DENND2B: variants seen among roughly 807,000 people sequenced by gnomAD.
The protein encoded by DENND2B is DENN domain-containing protein 2B.
Under a neutral mutation model 116.0 loss-of-function variants are expected in DENND2B, and 32 were observed. The observed-to-expected ratio is 0.28, with a 90% CI of 0.21 to 0.37. The LOEUF (loss-of-function observed/expected upper bound fraction) is 0.37, where lower values mean the gene tolerates loss of function less well. Among genes scored for constraint, DENND2B ranks in the 10% least tolerant of loss-of-function variants. DENND2B has a pLI of 1.00. For synonymous variants in DENND2B, 588 were observed against 583.9 expected (o/e 1.01, Z -0.10); for missense variants, 1,276 against 1,477.7 (o/e 0.86, Z 2.24).
intron 2 of DENND2B, among the ~76,000 whole-genome samples, chr11:8,733,742 A>G (rs2048494035): frequency 6.6e-6 from 1 of 152,220 alleles, no homozygotes; most frequent in Admixed American, 6.5e-5. Flanking sequence ...CCTCTGGTCC[A>G]TCTGATCCCA....
At chr11:8,887,029 T>C (rs1256801529) in intron 1 of DENND2B, among the ~76,000 whole-genome samples, 1 of 152,162 alleles carries the variant, frequency 6.6e-6, no homozygotes, top group Non-Finnish European at 1.5e-5. Context: ...GGTTTCTCCA[T>C]GTTGGTCAGG....
intron 2 of DENND2B, among the ~76,000 whole-genome samples, chr11:8,739,474 A>G (rs1429128438): frequency 1.3e-5 from 2 of 152,262 alleles, no homozygotes; most frequent in Non-Finnish European, 2.9e-5. Context: ...GTGTTTGAAC[A>G]CTATAAATCA....
At chr11:8,709,233 AACTC>A (rs1179695141) in intron 11 of DENND2B, among the ~76,000 whole-genome samples, 1 of 152,194 alleles carries the variant, frequency 6.6e-6, no homozygotes, top group Non-Finnish European at 1.5e-5. Flanking sequence ...TTAGGCCTGA[AACTC>A]ACTCCTGTCT....
chr11:8,714,171 C>A, intron 7 of DENND2B, 129 bp from the exon 8 acceptor site: 1 of 888,504 alleles, frequency 1.1e-6, no homozygotes, highest in Non-Finnish European at 1.8e-6. Context: ...GGCCCATGGT[C>A]AGGCATCTGC....
chr11:8,695,687 T>A (rs2040232506), intron 18 of DENND2B, 138 bp from the exon 19 acceptor site: 1 of 740,972 alleles, frequency 1.3e-6, no homozygotes, highest in Admixed American at 2.7e-5. Flanking sequence ...TGCAGGAGCA[T>A]CTTACTAGAA....
chr11:8,756,146 C>T (rs542906200), intron 1 of DENND2B, among the ~76,000 whole-genome samples: 4 of 152,296 alleles, frequency 2.6e-5, no homozygotes, highest in South Asian at 4.2e-4. Flanking sequence ...AGTTCCAGGG[C>T]AGGCCCTTGG....
chr11:8,699,230 C>CTGAAA lies in DENND2B; in HGVS notation c.2880_2881insTTTCA (p.Glu961PhefsTer10). On this transcript the variant is annotated frameshift_variant, in exon 15 of 20. Coordinates refer to ENST00000313726, the MANE Select transcript of DENND2B (RefSeq NM_213618.2). LOFTEE classifies it high-confidence loss of function. ...TGGCCCACCTCCTCCACAGGCAGCT[C>CTGAAA]CTTCAGTTTGGGGAGGGAGCTGGAG... 6.4e-7 allele frequency: 1 copy of CTGAAA among 1,572,806 alleles called. No homozygotes were observed. The highest frequency in any genetic ancestry group is 8.6e-7 in the Non-Finnish European group (1 of 1,164,850).
At chr11:8,720,634 C>T (rs897271203) in intron 4 of DENND2B, among the ~76,000 whole-genome samples, 4 of 152,234 alleles carry the variant, frequency 2.6e-5, no homozygotes, top group African/African-American at 9.6e-5. Flanking sequence ...AGCTTGGTCC[C>T]TTCACTGCCC....
chr11:8,805,505 C>T (rs2060760856), intron 1 of DENND2B, among the ~76,000 whole-genome samples: 4 of 152,342 alleles, frequency 2.6e-5, no homozygotes, highest in Non-Finnish European at 4.4e-5. Context: ...CCCACATACA[C>T]CATCCTTTGA....
At chr11:8,856,212 G>C (rs1014997104) in intron 3 of DENND2B, among the ~76,000 whole-genome samples, 5 of 152,198 alleles carry the variant, frequency 3.3e-5, no homozygotes, top group Admixed American at 6.5e-5. Flanking sequence ...ACCCAGCACA[G>C]TATCTGGTGT....
intron 2 of DENND2B, among the ~76,000 whole-genome samples, chr11:8,860,366 G>A (rs1249254653): frequency 6.6e-6 from 1 of 152,012 alleles, no homozygotes; most frequent in East Asian, 1.9e-4. Flanking sequence ...CAAAATCAAC[G>A]TACACAAATC....
intron 1 of DENND2B, among the ~76,000 whole-genome samples, chr11:8,897,101 T>A (rs979758676): frequency 6.6e-6 from 1 of 151,868 alleles, no homozygotes; most frequent in African/African-American, 2.4e-5. Context: ...ATTTTTTTTT[T>A]TAAAAACTAG....
At chr11:8,719,598 C>T (rs939912831) in intron 4 of DENND2B, among the ~76,000 whole-genome samples, 4 of 152,218 alleles carry the variant, frequency 2.6e-5, no homozygotes, top group Admixed American at 6.5e-5. Context: ...ATAGCAAACC[C>T]GGCACCCCCT....
intron 13 of DENND2B, among the ~76,000 whole-genome samples, chr11:8,706,293 C>T (rs1180849344): frequency 6.6e-6 from 1 of 152,154 alleles, no homozygotes; most frequent in Non-Finnish European, 1.5e-5. Flanking sequence ...TACGTCAGAT[C>T]TTATCATACC....
intron 3 of DENND2B, among the ~76,000 whole-genome samples, chr11:8,849,026 T>C (rs2062907687): frequency 6.6e-6 from 1 of 151,760 alleles, no homozygotes; most frequent in African/African-American, 2.4e-5. Context: ...AAAAAAGAAA[T>C]ACTAAATTTC....
chr11:8,790,527 G>A (rs1451745361), intron 1 of DENND2B, among the ~76,000 whole-genome samples: 3 of 152,154 alleles, frequency 2.0e-5, no homozygotes. Flanking sequence ...CCAGCACTTT[G>A]GGAGGCTGAG....
rs1163327984 is a variant in DENND2B at position 8,787,281 on chromosome 11, A to T, written c.-26+23236T>A. ...CTCTATGCTATAAGGCAAGATTTAT[A>T]TGTAAGTAAGTATCATCATCCTCAA... On this transcript the variant is annotated intron_variant, in intron 1 of 19. Coordinates refer to ENST00000313726, the MANE Select transcript of DENND2B (RefSeq NM_213618.2). The T allele has an allele frequency of 3.9e-5, 6 of 152,210 alleles. No individual in the cohort carries two copies. In the East Asian group the frequency reaches 1.2e-3, roughly 29 times the overall value. The allele number at this position is 152,210 out of a possible 1,614,324, so 9.4% of individuals were successfully genotyped here. A position where few individuals can be genotyped will look rare whatever the true frequency, so the allele number is the denominator to read the frequency against.
In DENND2B at chr11:8,711,052, C is replaced by G. The variant is rs966250359; in HGVS notation, c.2282+70G>C. ...GAGGATGAGACTAGAGCAGGCCCCA[C>G]TCAGGTGCCCACGCTATGGGGGTAA... On this transcript the variant is annotated intron_variant, in intron 10 of 19. Transcript: ENST00000313726. 5.7e-6 allele frequency: 9 copies of G among 1,566,756 alleles called. No individual in the cohort carries two copies. The Admixed American group carries it at 1.5e-4, about 26-fold the overall frequency.
At chr11:8,837,846 T>G (rs571948601) in intron 4 of DENND2B, among the ~76,000 whole-genome samples, 1 of 152,270 alleles carries the variant, frequency 6.6e-6, no homozygotes, top group African/African-American at 2.4e-5. Context: ...AGGACCAATC[T>G]CCGCATGATG....
Sources: gnomAD v4.1 joint callset for allele counts (sites outside exome capture counted in the v4.1 genomes callset) on GRCh38, gnomAD v4.1.1 for gene constraint, MANE v1.5 for transcripts, NCBI Gene and HGNC (gene_info 2026-07-23, HGNC 2026-07-21) for gene names.